RTN4: variants seen among roughly 807,000 people sequenced by gnomAD.
RTN4 encodes the protein reticulon-4.
A neutral mutation model predicts 90.4 loss-of-function variants in RTN4; 32 were observed. The observed-to-expected ratio is 0.35, with a 90% CI of 0.27 to 0.48. The LOEUF (loss-of-function observed/expected upper bound fraction) is 0.48. RTN4 is among the 20% of genes least tolerant of loss of function. The pLI is 0.99. For missense variants in RTN4, 1,706 were observed against 1,430.2 expected (o/e 1.19, Z -3.11); for synonymous variants, 629 against 552.5 (o/e 1.14, Z -1.94).
chr2:55,018,882 A>C (rs925145207), intron 3 of RTN4, among the ~76,000 whole-genome samples: 2 of 152,176 alleles, frequency 1.3e-5, no homozygotes, highest in Non-Finnish European at 2.9e-5. Flanking sequence ...TTAATACCTC[A>C]CTATTATGAA....
In RTN4 at chr2:55,050,328, C is replaced by T. The variant is rs775555734; in HGVS notation, c.-28G>A. On this transcript the variant is annotated 5_prime_UTR_variant, in exon 1 of 9. Coordinates refer to ENST00000337526, the MANE Select transcript of RTN4 (RefSeq NM_020532.5). This position sits in a 1 kb window ranked among gnomAD's most constrained non-coding sequence, Gnocchi z 4.6. ...CTGGAGGGTGGAGATGATGCTGCAG[C>T]TGCTGCCGCCGCCGCCGGGGCCGCG... 10 of 1,357,386 alleles carry T rather than the reference C, an allele frequency of 7.4e-6. No homozygotes were observed. The highest frequency in any genetic ancestry group is 2.8e-5 in the East Asian group (1 of 35,832). The allele number at this position is 1,357,386 out of a possible 1,614,324, so 84.1% of individuals were successfully genotyped here. A position where few individuals can be genotyped will look rare whatever the true frequency, so the allele number is the denominator to read the frequency against.
At position 55,031,284 on chromosome 2, in the gene RTN4, T is replaced by C. The variant is rs561210083; in HGVS notation, c.557-3064A>G. 3.9e-5 allele frequency among the ~76,000 whole-genome samples: 6 copies of C among 152,302 alleles called. No individual in the cohort carries two copies. In the South Asian group the frequency reaches 1.0e-3, roughly 26 times the overall value. ...CCTGAGAAAAGGGAAACCTGCAAGATGACTACGCTGCTTTCTGTCTGAAGG... is the reference window on the plus strand; with the variant it reads ...CCTGAGAAAAGGGAAACCTGCAAGACGACTACGCTGCTTTCTGTCTGAAGG... On this transcript the variant is annotated intron_variant, in intron 1 of 8. Transcript: ENST00000337526.
In RTN4 at chr2:54,982,586, C is replaced by A. The variant is rs1678229315; in HGVS notation, c.3289G>T (p.Gly1097Cys). The change falls in exon 5 of 9, where the codon GGT becomes TGT. Residue 1097 changes from glycine (G) to cysteine (C), a missense_variant. Gly to Cys is a radical substitution (Grantham distance 159). Transcript: ENST00000337526. ...TCCTTTATCGTGCAGTTCACATGAC[C>A]AAGAGCAGAATTACTGTACTTCTGA... ...LVQKYSNSAL[G>C]HVNCTIKELR... 2 of 1,613,672 alleles carry A rather than the reference C, an allele frequency of 1.2e-6. No homozygotes were observed. The highest frequency in any genetic ancestry group is 8.5e-7 in the Non-Finnish European group (1 of 1,179,814).
intron 1 of RTN4, among the ~76,000 whole-genome samples, chr2:55,037,725 C>A (rs371386226): frequency 1.2e-4 from 18 of 152,124 alleles, no homozygotes; most frequent in African/African-American, 4.1e-4. Flanking sequence ...ACTTATCCCC[C>A]CTACTAATCT....
intron 1 of RTN4, among the ~76,000 whole-genome samples, chr2:55,037,450 T>C (rs1682770168): frequency 6.6e-6 from 1 of 152,232 alleles, no homozygotes; most frequent in African/African-American, 2.4e-5. Flanking sequence ...AAGATTTGTT[T>C]CCCTAAGCTT....
At chr2:55,131,460 G>C in the RTN4 span, among the ~76,000 whole-genome samples, 881 of 152,076 alleles carry the variant, frequency 5.8e-3, 13 homozygotes, top group African/African-American at 0.02. Flanking sequence ...CTTCCTCCTG[G>C]GCCTCCCAAA....
chr2:54,978,431 CAAAAAAAAAAAAA>C (rs10718270), intron 5 of RTN4, among the ~76,000 whole-genome samples: 1 of 81,124 alleles, frequency 1.2e-5, no homozygotes, highest in African/African-American at 4.5e-5. Flanking sequence ...ACTCTATCTC[CAAAAAAAAAAAAA>C]AAAAAAAAAG....
chr2:55,052,229 C>T (rs916062430), upstream of RTN4, among the ~76,000 whole-genome samples: 1 of 152,130 alleles, frequency 6.6e-6, no homozygotes, highest in African/African-American at 2.4e-5. Flanking sequence ...AATGATATAT[C>T]AATATCAGTT....
intron 1 of RTN4, among the ~76,000 whole-genome samples, chr2:55,034,427 A>T (rs965577792): frequency 3.9e-5 from 6 of 152,166 alleles, no homozygotes; most frequent in African/African-American, 1.2e-4. Flanking sequence ...ACTTGAGCCC[A>T]GGAGTTTGAG....
intron 2 of RTN4, among the ~76,000 whole-genome samples, chr2:55,072,451 G>A (rs913147019): frequency 2.0e-5 from 3 of 151,996 alleles, no homozygotes; most frequent in Admixed American, 1.3e-4. Context: ...GGATGGTCTC[G>A]ATCTCCTGAC....
the RTN4 span, among the ~76,000 whole-genome samples, chr2:55,128,308 A>G: frequency 1.3e-5 from 2 of 152,194 alleles, no homozygotes; most frequent in African/African-American, 4.8e-5. Context: ...GGGTGGCCTC[A>G]CATTTTTTTT....
chr2:55,065,424 A>G (rs962149207), intron 2 of RTN4, among the ~76,000 whole-genome samples: 1 of 152,194 alleles, frequency 6.6e-6, no homozygotes, highest in Non-Finnish European at 1.5e-5. Context: ...AGATCAAGTA[A>G]GAACATACCT....
intron 3 of RTN4, among the ~76,000 whole-genome samples, chr2:55,007,061 C>T (rs1175228817): frequency 6.6e-6 from 1 of 152,160 alleles, no homozygotes; most frequent in Non-Finnish European, 1.5e-5. Flanking sequence ...TGAAACTCAA[C>T]TTGGCATCTT....
chr2:55,131,320 T>C, the RTN4 span, among the ~76,000 whole-genome samples: 6 of 152,076 alleles, frequency 3.9e-5, no homozygotes, highest in African/African-American at 1.4e-4. Context: ...GTGATCCTCC[T>C]GTCTCAGCCT....
chr2:55,023,876 T>C (rs1304244445), intron 3 of RTN4, among the ~76,000 whole-genome samples: 1 of 152,120 alleles, frequency 6.6e-6, no homozygotes, highest in Non-Finnish European at 1.5e-5. Context: ...TCTCCAGTAT[T>C]TGATAATTTT....
intron 2 of RTN4, among the ~76,000 whole-genome samples, chr2:55,071,054 G>T (rs555763908): frequency 6.6e-6 from 1 of 150,768 alleles, no homozygotes; most frequent in African/African-American, 2.4e-5. Flanking sequence ...GGGATTACAG[G>T]CGTGAGCCAC....
intron 2 of RTN4, among the ~76,000 whole-genome samples, chr2:55,074,584 C>G (rs1252652805): frequency 6.8e-6 from 1 of 146,860 alleles, no homozygotes; most frequent in Non-Finnish European, 1.5e-5. Flanking sequence ...TCTATGAAGA[C>G]AGTATCACCC....
intron 1 of RTN4, among the ~76,000 whole-genome samples, chr2:55,096,938 A>G (rs1005840759): frequency 6.6e-6 from 1 of 151,990 alleles, no homozygotes; most frequent in Admixed American, 6.6e-5. Flanking sequence ...CAAGGTTGTT[A>G]GGTAGATGCG....
chr2:55,064,152 T>C (rs1013205131), intron 2 of RTN4, among the ~76,000 whole-genome samples: 5 of 143,706 alleles, frequency 3.5e-5, no homozygotes, highest in African/African-American at 1.3e-4. Context: ...AACTCAGGAG[T>C]GGCACCATGA....
Sources: allele counts gnomAD v4.1 joint callset (sites outside exome capture counted in the v4.1 genomes callset), GRCh38; gene constraint gnomAD v4.1.1; non-coding constraint Gnocchi (gnomAD v3.1); transcripts MANE v1.5; gene names NCBI Gene and HGNC (gene_info 2026-07-23, HGNC 2026-07-21).